KCNIP4: variants seen among roughly 807,000 people sequenced by gnomAD.
KCNIP4 encodes potassium voltage-gated channel interacting protein 4.
KCNIP4 carries 12 observed loss-of-function variants against 34.0 expected under a neutral mutation model. The observed-to-expected ratio is 0.35, with a 90% CI of 0.23 to 0.57. The LOEUF (loss-of-function observed/expected upper bound fraction) is 0.57, where lower values mean the gene tolerates loss of function less well. KCNIP4 is among the 20% of genes least tolerant of loss of function. The pLI is 0.83. For missense variants in KCNIP4, 238 were observed against 311.7 expected, an observed-to-expected ratio of 0.76 and a Z score of 1.78; for synonymous variants, 124 against 102.2, an observed-to-expected ratio of 1.21 and a Z score of -1.29.
rs79095078 is a variant in KCNIP4 at position 21,842,791 on chromosome 4, T to G, written c.61+105780A>C. 1.7e-3 allele frequency among the ~76,000 whole-genome samples: 263 copies of G among 152,214 alleles called. 4 individuals are homozygous for G. In the East Asian group the frequency reaches 0.043, roughly 25 times the overall value. On this transcript the variant is annotated intron_variant, in intron 1 of 8. Transcript: ENST00000382152. Reference sequence around the variant, plus strand: ...GTAACATTATTACAACGATTATTAATGTAGGGCTAAGAGTAAAACAGCTTG... The same window carrying G: ...GTAACATTATTACAACGATTATTAAGGTAGGGCTAAGAGTAAAACAGCTTG...
At chr4:21,863,062 TC>T (rs1240133286) in intron 1 of KCNIP4, among the ~76,000 whole-genome samples, 1 of 152,022 alleles carries the variant, frequency 6.6e-6, no homozygotes, top group Non-Finnish European at 1.5e-5. Context: ...AGTTTCATCA[TC>T]ATCGCCAACA....
intron 1 of KCNIP4, among the ~76,000 whole-genome samples, chr4:21,889,390 C>T (rs1397383552): frequency 6.6e-6 from 1 of 151,928 alleles, no homozygotes; most frequent in African/African-American, 2.4e-5. Context: ...AAAAAAACAT[C>T]TAAATTCTGA....
rs144760918 is a variant in KCNIP4 at position 21,262,571 on chromosome 4, G to C, written c.62-379862C>G. Among the ~76,000 whole-genome samples the C allele has an allele frequency of 3.9e-3, 601 of 152,268 alleles. 1 individual carries two copies. Among genetic ancestry groups the C allele is most frequent in the Non-Finnish European group, 6.6e-3 (450 of 68,020 alleles). On this transcript the variant is annotated intron_variant, in intron 1 of 8. Transcript: ENST00000382152. ...CCTTACATCTTCCCTGCAGGATTGAGCCAGTTATCCTCTGAGGATCTTTGC... is the reference window on the plus strand; with the variant it reads ...CCTTACATCTTCCCTGCAGGATTGACCCAGTTATCCTCTGAGGATCTTTGC...
At chr4:21,733,227 C>T (rs1715738566) in intron 1 of KCNIP4, among the ~76,000 whole-genome samples, 1 of 152,116 alleles carries the variant, frequency 6.6e-6, no homozygotes, top group Admixed American at 6.6e-5. Context: ...TATTCAACTT[C>T]CCAGTTCAAA....
chr4:21,400,433 C>T (rs67113940), intron 1 of KCNIP4, among the ~76,000 whole-genome samples: 21,997 of 143,160 alleles, frequency 0.15, 3,789 homozygotes, highest in African/African-American at 0.4. Context: ...TTCAAACACA[C>T]GTCCTCTTGC....
intron 3 of KCNIP4, among the ~76,000 whole-genome samples, chr4:20,829,877 G>C (rs1340271917): frequency 1.3e-5 from 2 of 152,034 alleles, no homozygotes; most frequent in African/African-American, 4.8e-5. Flanking sequence ...GGTGTCATCA[G>C]TATTTATTTC....
chr4:21,428,389 T>A (rs1259467291), intron 1 of KCNIP4, among the ~76,000 whole-genome samples: 2 of 152,126 alleles, frequency 1.3e-5, no homozygotes, highest in Non-Finnish European at 2.9e-5. Flanking sequence ...GAGGGAGGCA[T>A]AAAAGTCAAC....
intron 1 of KCNIP4, among the ~76,000 whole-genome samples, chr4:21,044,729 T>C (rs1742288635): frequency 6.6e-6 from 1 of 152,164 alleles, no homozygotes; most frequent in South Asian, 2.1e-4. Context: ...GCCAGACCCC[T>C]CCTGGGACTC....
rs376265664 is a variant in KCNIP4 at position 21,226,321 on chromosome 4, G to GGGAAGGGAA, written c.62-343621_62-343613dup. ...GGAGAAAGAGAAGAGAGGAAAGAAA[G>GGGAAGGGAA]GGAAGGGAAGGAAGGGAAGGAAGAG... On this transcript the variant is annotated intron_variant, in intron 1 of 8. Transcript: ENST00000382152. 9.0e-3 allele frequency among the ~76,000 whole-genome samples: 1,117 copies of GGGAAGGGAA among 123,576 alleles called. 17 individuals are homozygous for GGGAAGGGAA. The highest frequency in any genetic ancestry group is 0.044 in the African/African-American group (1,042 of 23,760). The allele number at this position is 123,576 out of a possible 152,430, so 81.1% of individuals were successfully genotyped here.
chr4:20,832,542 G>A (rs577210805), intron 3 of KCNIP4, among the ~76,000 whole-genome samples: 1 of 151,842 alleles, frequency 6.6e-6, no homozygotes, highest in African/African-American at 2.4e-5. Flanking sequence ...TATTTTATTG[G>A]TCATATTATA....
chr4:21,330,100 T>C (rs1170100814), intron 1 of KCNIP4, among the ~76,000 whole-genome samples: 3 of 152,224 alleles, frequency 2.0e-5, no homozygotes, highest in African/African-American at 7.2e-5. Context: ...AGGACTGCTA[T>C]TAACATTAAA....
intron 1 of KCNIP4, among the ~76,000 whole-genome samples, chr4:21,747,818 A>G (rs528695545): frequency 8.5e-5 from 13 of 152,292 alleles, no homozygotes; most frequent in African/African-American, 2.6e-4. Context: ...CTTTCCAAAT[A>G]TAACTAAGGT....
intron 3 of KCNIP4, among the ~76,000 whole-genome samples, chr4:20,760,240 G>A (rs773366312): frequency 3.3e-5 from 5 of 152,008 alleles, no homozygotes; most frequent in African/African-American, 4.8e-5. Context: ...GCACTCCCAC[G>A]CCACCTAACG....
chr4:21,804,889 C>T (rs918385842), intron 1 of KCNIP4, among the ~76,000 whole-genome samples: 10 of 152,206 alleles, frequency 6.6e-5, no homozygotes, highest in African/African-American at 1.7e-4. Context: ...AATGTTAGAA[C>T]GCTAAGAACA....
intron 1 of KCNIP4, among the ~76,000 whole-genome samples, chr4:21,318,248 T>C (rs1316186584): frequency 6.6e-6 from 1 of 152,202 alleles, no homozygotes; most frequent in African/African-American, 2.4e-5. Context: ...AAAGGTTTGC[T>C]AGGGAAAAAG....
chr4:21,882,457 T>C (rs1726512144), intron 1 of KCNIP4, among the ~76,000 whole-genome samples: 1 of 152,122 alleles, frequency 6.6e-6, no homozygotes, highest in Non-Finnish European at 1.5e-5. Flanking sequence ...ACTTAGTTGA[T>C]CTTTAATGTC....
chr4:21,596,713 T>A (rs187657890), intron 1 of KCNIP4, among the ~76,000 whole-genome samples: 4 of 152,272 alleles, frequency 2.6e-5, no homozygotes, highest in Middle Eastern at 6.8e-3. Context: ...TAATGGGGCC[T>A]GAGCAGGGGA....
chr4:21,138,186 T>C (rs572960895), intron 1 of KCNIP4, among the ~76,000 whole-genome samples: 45 of 152,310 alleles, frequency 3.0e-4, no homozygotes, highest in African/African-American at 1.1e-3. Flanking sequence ...GCTGGTGTTG[T>C]TTCTGCCACC....
At chr4:21,592,570 T>G (rs769827174) in intron 1 of KCNIP4, among the ~76,000 whole-genome samples, 1 of 152,108 alleles carries the variant, frequency 6.6e-6, no homozygotes, top group African/African-American at 2.4e-5. Context: ...AGAATGGAGC[T>G]CTCAGTAATT....
Sources: allele counts gnomAD v4.1 joint callset (sites outside exome capture counted in the v4.1 genomes callset), GRCh38; gene constraint gnomAD v4.1.1; transcripts MANE v1.5; gene names NCBI Gene and HGNC (gene_info 2026-07-23, HGNC 2026-07-21).